The following MTUS2 variants were observed in gnomAD, a reference collection of about 807,000 sequenced individuals.
The protein encoded by MTUS2 is microtubule associated scaffold protein 2.
Under a neutral mutation model 114.1 loss-of-function variants are expected in MTUS2, and 40 were observed. The observed-to-expected ratio is 0.35, with a 90% confidence interval of 0.27 to 0.46. The LOEUF is 0.46. Among genes scored for constraint, MTUS2 ranks in the 20% least tolerant of loss-of-function variants. MTUS2 has a pLI of 1.00. For synonymous variants in MTUS2, 688 were observed against 672.0 expected, an observed-to-expected ratio of 1.02 and a Z score of -0.37; for missense variants, 1,679 against 1,705.4, an observed-to-expected ratio of 0.98 and a Z score of 0.27.
chr13:29,193,891 C>T (rs1322450974), intron 5 of MTUS2, among the ~76,000 whole-genome samples: 1 of 152,168 alleles, frequency 6.6e-6, no homozygotes, highest in Non-Finnish European at 1.5e-5. Flanking sequence ...GGTACAAAAA[C>T]AGAGATACAG....
chr13:29,484,350 A>G (rs1202487096), intron 10 of MTUS2: 4 of 152,242 alleles, frequency 2.6e-5, no homozygotes, highest in East Asian at 1.9e-4. Flanking sequence ...CGGAAACCAC[A>G]TTCTCTCTAA....
chr13:29,482,074 T>C (rs1266827843), intron 10 of MTUS2: 1 of 152,144 alleles, frequency 6.6e-6, no homozygotes. Flanking sequence ...GGGCTATTCA[T>C]TCCCAGTTTT....
At chr13:28,990,193 G>A (rs1224728056) in intron 2 of MTUS2, among the ~76,000 whole-genome samples, 3 of 152,214 alleles carry the variant, frequency 2.0e-5, no homozygotes, top group Admixed American at 2.0e-4. Flanking sequence ...GATGTTGGAG[G>A]CCTGGGACTT....
chr13:29,328,841 G>A (rs1436656973), intron 7 of MTUS2, among the ~76,000 whole-genome samples: 1 of 152,166 alleles, frequency 6.6e-6, no homozygotes, highest in Non-Finnish European at 1.5e-5. Context: ...GAAATATACT[G>A]TGGGATAAAA....
At chr13:29,319,851 GC>G (rs1900177863) in intron 6 of MTUS2, among the ~76,000 whole-genome samples, 2 of 118,106 alleles carry the variant, frequency 1.7e-5, no homozygotes, top group African/African-American at 8.2e-5. Context: ...ATTCAAGAAA[GC>G]TAAAAAAAAA....
intron 2 of MTUS2, among the ~76,000 whole-genome samples, chr13:28,942,330 T>C (rs889907194): frequency 2.0e-5 from 3 of 151,992 alleles, no homozygotes; most frequent in Admixed American, 2.0e-4. Context: ...AAGATGAAAA[T>C]AGCAATATTG....
intron 4 of MTUS2, among the ~76,000 whole-genome samples, chr13:29,039,230 A>G (rs1228784540): frequency 6.6e-6 from 1 of 152,152 alleles, no homozygotes; most frequent in Non-Finnish European, 1.5e-5. Flanking sequence ...GGGCTAGCCC[A>G]GGAGCCAGCT....
rs1027114751 is a variant in MTUS2, at chr13:29,026,154, C to G, written c.1456C>G (p.Pro486Ala). 6.2e-7 allele frequency: 1 copy of G among 1,613,868 alleles called. No individual in the cohort carries two copies. The highest frequency in any genetic ancestry group is 1.3e-5 in the African/African-American group (1 of 74,912). Residue 486 changes from proline (P) to alanine (A), a missense_variant, in exon 3 of 16, where the codon CCC becomes GCC. Pro to Ala is a conservative substitution (Grantham distance 27). This residue lies in a region of MTUS2 where 843 missense variants were observed against 770.8 expected (regional missense o/e 1.09). Coordinates refer to ENST00000612955, the MANE Select transcript of MTUS2 (RefSeq NM_001033602.4). ...VGENKTEVPE[P>A]LDPQSGRSEA... ...AGAGAACAAGACGGAGGTGCCTGAG[C>G]CCCTGGACCCTCAAAGTGGCCGCTC...
chr13:29,318,458 T>G (rs575642957), intron 6 of MTUS2, among the ~76,000 whole-genome samples: 1 of 151,232 alleles, frequency 6.6e-6, no homozygotes, highest in East Asian at 2.0e-4. Context: ...GTTCAGGGAC[T>G]CAGGGGACTA....
intron 8 of MTUS2, among the ~76,000 whole-genome samples, chr13:29,364,661 A>G (rs899267667): frequency 6.6e-6 from 1 of 152,174 alleles, no homozygotes; most frequent in Non-Finnish European, 1.5e-5. Context: ...AAATTCAGGG[A>G]TTCATCAGAA....
intron 8 of MTUS2, among the ~76,000 whole-genome samples, chr13:29,416,973 A>G (rs191015317): frequency 2.1e-3 from 318 of 152,238 alleles, no homozygotes; most frequent in African/African-American, 7.5e-3. Context: ...AAGTTTTCTT[A>G]TATTATAGTT....
chr13:29,231,750 ATTAAG>A (rs1413500653), intron 5 of MTUS2, among the ~76,000 whole-genome samples: 1 of 152,122 alleles, frequency 6.6e-6, no homozygotes, highest in Non-Finnish European at 1.5e-5. Context: ...TTCTCATGTT[ATTAAG>A]TTTTCATCAT....
At chr13:28,979,786 A>G (rs1884275630) in intron 2 of MTUS2, among the ~76,000 whole-genome samples, 1 of 152,208 alleles carries the variant, frequency 6.6e-6, no homozygotes, top group Admixed American at 6.5e-5. Flanking sequence ...ACACTGCAGC[A>G]TATCTTAACG....
intron 5 of MTUS2, among the ~76,000 whole-genome samples, chr13:29,157,880 G>A (rs1254601147): frequency 6.6e-6 from 1 of 152,160 alleles, no homozygotes; most frequent in African/African-American, 2.4e-5. Context: ...AGGTAGAAAA[G>A]CTCAACACTG....
intron 2 of MTUS2, among the ~76,000 whole-genome samples, chr13:28,955,388 CTTG>C (rs1883011801): frequency 1.3e-5 from 2 of 152,192 alleles, no homozygotes. Flanking sequence ...AAGCCTTTAT[CTTG>C]TTGTCAGCAT....
chr13:29,491,522 A>T (rs1233092596), intron 11 of MTUS2, among the ~76,000 whole-genome samples: 14 of 97,412 alleles, frequency 1.4e-4, no homozygotes, highest in African/African-American at 2.0e-4. Flanking sequence ...GGGAGGCATG[A>T]TGTGTGTGGT....
At chr13:29,008,322 C>G (rs1885688506) in intron 2 of MTUS2, among the ~76,000 whole-genome samples, 2 of 152,130 alleles carry the variant, frequency 1.3e-5, no homozygotes, top group South Asian at 4.1e-4. Context: ...TTCCAAAACC[C>G]CTTGGAACAC....
intron 2 of MTUS2, among the ~76,000 whole-genome samples, chr13:28,849,698 T>C (rs1024827569): frequency 1.3e-5 from 2 of 152,034 alleles, no homozygotes; most frequent in African/African-American, 4.8e-5. Context: ...TCTCACCGTT[T>C]TCCTGCTTGA....
intron 5 of MTUS2, among the ~76,000 whole-genome samples, chr13:29,271,537 G>C (rs1194723250): frequency 2.0e-5 from 3 of 151,986 alleles, no homozygotes; most frequent in African/African-American, 7.2e-5. Context: ...ATATCCCCTT[G>C]GGCTGAGCTC....
Sources: allele counts gnomAD v4.1 joint callset (sites outside exome capture counted in the v4.1 genomes callset), GRCh38; gene constraint gnomAD v4.1.1; regional missense constraint gnomAD v4.1.1; transcripts MANE v1.5; gene names NCBI Gene and HGNC (gene_info 2026-07-23, HGNC 2026-07-21).